GPC6: variants seen among roughly 807,000 people sequenced by gnomAD.
The protein encoded by GPC6 is glypican 6.
Under a neutral mutation model 55.2 loss-of-function variants are expected in GPC6, and 14 were observed. The observed-to-expected ratio is 0.25, with a 90% confidence interval of 0.17 to 0.40. The LOEUF is 0.40. Ranked by LOEUF, GPC6 falls within the 10% of genes least tolerant of loss-of-function variation. GPC6 has a pLI of 1.00. For missense variants in GPC6, 641 were observed against 708.5 expected, an observed-to-expected ratio of 0.90 and a Z score of 1.08; for synonymous variants, 278 against 259.6, an observed-to-expected ratio of 1.07 and a Z score of -0.68.
intron 4 of GPC6, among the ~76,000 whole-genome samples, chr13:94,177,111 G>A (rs939630275): frequency 6.6e-6 from 1 of 152,150 alleles, no homozygotes; most frequent in African/African-American, 2.4e-5. Context: ...TATCAATTCT[G>A]TATCCTATTT....
intron 2 of GPC6, among the ~76,000 whole-genome samples, chr13:93,546,136 G>T (rs1301525071): frequency 6.6e-6 from 1 of 152,158 alleles, no homozygotes; most frequent in African/African-American, 2.4e-5. Context: ...ATTTTTAGAA[G>T]GTGTGTTGTC....
At chr13:94,367,933 G>A (rs1333673637) in intron 6 of GPC6, among the ~76,000 whole-genome samples, 1 of 152,044 alleles carries the variant, frequency 6.6e-6, no homozygotes, top group East Asian at 1.9e-4. Flanking sequence ...GGCGGATCAT[G>A]AGGTCAAAAG....
intron 2 of GPC6, among the ~76,000 whole-genome samples, chr13:93,696,965 G>C (rs911786343): frequency 2.0e-5 from 3 of 152,066 alleles, no homozygotes; most frequent in African/African-American, 7.2e-5. Flanking sequence ...TGTATTTCTT[G>C]AGTCATCAAC....
intron 4 of GPC6, among the ~76,000 whole-genome samples, chr13:94,052,989 C>G (rs28573182): frequency 6.6e-6 from 1 of 152,236 alleles, no homozygotes; most frequent in African/African-American, 2.4e-5. Flanking sequence ...TCCTAGGCAG[C>G]TGTCACATCA....
intron 1 of GPC6, among the ~76,000 whole-genome samples, chr13:93,318,782 G>A (rs969271551): frequency 6.6e-6 from 1 of 152,082 alleles, no homozygotes; most frequent in Non-Finnish European, 1.5e-5. Context: ...TGTGAAATAC[G>A]GGGCTGAAAC....
Position 93,829,044 on chromosome 13 carries a change from T to C in GPC6, c.320-1110T>C, listed in dbSNP as rs947257620. Among the ~76,000 whole-genome samples the C allele has an allele frequency of 3.3e-5, 5 of 152,182 alleles. No homozygotes were observed. The East Asian group carries it at 7.7e-4, about 23-fold the overall frequency. The stretch of plus-strand genomic sequence containing the variant: ...AAAAATTCCTGGAGCTTTTGAAATA[T>C]GCAGGACTTGATTTGTCCCTGCATT... On this transcript the variant is annotated intron_variant, in intron 2 of 8. Transcript: ENST00000377047.
At chr13:94,044,384 G>C (rs1234268437) in intron 4 of GPC6, among the ~76,000 whole-genome samples, 2 of 151,692 alleles carry the variant, frequency 1.3e-5, no homozygotes, top group African/African-American at 4.8e-5. Flanking sequence ...ACAGCTCAAG[G>C]TCATCGCCAA....
At chr13:93,532,682 C>T (rs189415118) in intron 1 of GPC6, among the ~76,000 whole-genome samples, 1 of 152,274 alleles carries the variant, frequency 6.6e-6, no homozygotes, top group Admixed American at 6.5e-5. Context: ...CTTCTATGCT[C>T]ATCCTCACCC....
chr13:93,890,642 A>C, intron 3 of GPC6, among the ~76,000 whole-genome samples: 1 of 151,716 alleles, frequency 6.6e-6, no homozygotes, highest in East Asian at 1.9e-4. Context: ...ATACATCAGT[A>C]ATTTGTACCA....
intron 4 of GPC6, among the ~76,000 whole-genome samples, chr13:94,084,126 G>A (rs1349638368): frequency 6.6e-6 from 1 of 152,182 alleles, no homozygotes; most frequent in Non-Finnish European, 1.5e-5. Context: ...TTTCATGCCA[G>A]TATTTAGTTA....
chr13:94,388,687 G>A (rs1157184662), intron 7 of GPC6, among the ~76,000 whole-genome samples: 3 of 152,188 alleles, frequency 2.0e-5, no homozygotes, highest in Non-Finnish European at 4.4e-5. Context: ...CAGGGTGCCG[G>A]CAGATTGGGT....
chr13:93,842,449 T>A (rs1460723093), intron 3 of GPC6, among the ~76,000 whole-genome samples: 1 of 152,162 alleles, frequency 6.6e-6, no homozygotes, highest in Non-Finnish European at 1.5e-5. Context: ...GAAGATAGAA[T>A]CCAGATTGAA....
intron 1 of GPC6, among the ~76,000 whole-genome samples, chr13:93,479,607 GA>G (rs1879431175): frequency 1.8e-5 from 1 of 55,044 alleles, no homozygotes; most frequent in South Asian, 5.4e-4. Flanking sequence ...AACGTGGTGA[GA>G]CCCCCCCCCA....
intron 1 of GPC6, among the ~76,000 whole-genome samples, chr13:93,330,348 G>T (rs747016679): frequency 1.3e-5 from 2 of 152,038 alleles, no homozygotes; most frequent in African/African-American, 2.4e-5. Flanking sequence ...AGCATGGCAA[G>T]ATGCCATCTC....
intron 4 of GPC6, among the ~76,000 whole-genome samples, chr13:94,198,518 G>T (rs998389794): frequency 6.6e-6 from 1 of 152,206 alleles, no homozygotes; most frequent in Admixed American, 6.5e-5. Flanking sequence ...TCTTCGGATT[G>T]TAAGATTATG....
At chr13:93,318,522 T>G (rs748579547) in intron 1 of GPC6, among the ~76,000 whole-genome samples, 1 of 151,958 alleles carries the variant, frequency 6.6e-6, no homozygotes, top group Non-Finnish European at 1.5e-5. Flanking sequence ...AATATCTCAC[T>G]AAGGCTAAAA....
chr13:93,270,326 C>T (rs1016507117), intron 1 of GPC6, among the ~76,000 whole-genome samples: 1 of 150,668 alleles, frequency 6.6e-6, no homozygotes, highest in Admixed American at 6.6e-5. Flanking sequence ...GTATGTTTCT[C>T]ACTTTTTCTG....
chr13:93,540,439 A>G (rs1040596370), intron 1 of GPC6, among the ~76,000 whole-genome samples: 2 of 152,116 alleles, frequency 1.3e-5, no homozygotes, highest in Non-Finnish European at 2.9e-5. Flanking sequence ...GATGTTTATC[A>G]TTTTCAAGAA....
chr13:93,731,183 G>A (rs1314249298), intron 2 of GPC6, among the ~76,000 whole-genome samples: 1 of 152,152 alleles, frequency 6.6e-6, no homozygotes. Flanking sequence ...GAGGGCCATC[G>A]TCTGTAGTCA....
Sources: gnomAD v4.1 joint callset for allele counts (sites outside exome capture counted in the v4.1 genomes callset) on GRCh38, gnomAD v4.1.1 for gene constraint, MANE v1.5 for transcripts, NCBI Gene and HGNC (gene_info 2026-07-23, HGNC 2026-07-21) for gene names.